XYLT1: variants seen among roughly 807,000 people sequenced by gnomAD.
XYLT1 encodes beta-D-xylosyltransferase 1.
In XYLT1, 36 loss-of-function variants were observed where a neutral mutation model predicts 91.3. The ratio of observed to expected loss-of-function variants is 0.39; its 90% CI spans 0.30 to 0.52. The LOEUF (loss-of-function observed/expected upper bound fraction) is 0.52. Ranked by LOEUF, XYLT1 falls within the 20% of genes least tolerant of loss-of-function variation. The probability of loss-of-function intolerance (pLI) is 0.68; values close to 1 mark genes in which losing one functional copy is unlikely to be tolerated. For missense variants in XYLT1, 1,242 were observed against 1,284.5 expected, an observed-to-expected ratio of 0.97 and a Z score of 0.51; for synonymous variants, 588 against 532.0, an observed-to-expected ratio of 1.11 and a Z score of -1.45.
intron 5 of XYLT1, among the ~76,000 whole-genome samples, chr16:17,175,525 G>T (rs1004770651): frequency 2.0e-5 from 3 of 152,114 alleles, no homozygotes; most frequent in African/African-American, 7.2e-5. Flanking sequence ...TTGCACCCAG[G>T]TCATTTGACC....
intron 8 of XYLT1, among the ~76,000 whole-genome samples, chr16:17,137,326 CACAA>C (rs569713861): frequency 4.6e-5 from 7 of 152,176 alleles, no homozygotes; most frequent in African/African-American, 9.7e-5. Context: ...GGAGATCAAA[CACAA>C]ACAAACAGCA....
intron 2 of XYLT1, among the ~76,000 whole-genome samples, chr16:17,326,311 A>G (rs1388923456): frequency 6.6e-6 from 1 of 151,722 alleles, no homozygotes; most frequent in Non-Finnish European, 1.5e-5. Flanking sequence ...ATGCCTCCCC[A>G]TTTTCCTCTC....
At chr16:17,147,648 T>C (rs2141528289) in intron 6 of XYLT1, among the ~76,000 whole-genome samples, 1 of 152,306 alleles carries the variant, frequency 6.6e-6, no homozygotes, top group South Asian at 2.1e-4. Flanking sequence ...GAAAAGTTTC[T>C]GGAGTCACAG....
chr16:17,293,888 G>C (rs758073652), intron 2 of XYLT1, among the ~76,000 whole-genome samples: 4 of 152,172 alleles, frequency 2.6e-5, no homozygotes, highest in Non-Finnish European at 5.9e-5. Context: ...ACGCATCTTG[G>C]GGAAATGCAT....
intron 3 of XYLT1, among the ~76,000 whole-genome samples, chr16:17,234,526 G>A (rs1248938753): frequency 6.6e-6 from 1 of 150,440 alleles, no homozygotes; most frequent in African/African-American, 2.4e-5. Flanking sequence ...AATCAAATCA[G>A]CTAGTGGGTA....
intron 6 of XYLT1, among the ~76,000 whole-genome samples, chr16:17,150,713 T>G (rs1405449370): frequency 3.3e-5 from 5 of 152,132 alleles, no homozygotes; most frequent in Non-Finnish European, 5.9e-5. Flanking sequence ...AGCCACAAGG[T>G]TCTAATAAGT....
intron 1 of XYLT1, among the ~76,000 whole-genome samples, chr16:17,387,080 A>G (rs1355329631): frequency 6.6e-6 from 1 of 152,176 alleles, no homozygotes; most frequent in Non-Finnish European, 1.5e-5. Flanking sequence ...AGAGGATATC[A>G]AGGTCTAGGG....
chr16:17,443,573 T>A (rs574832206), intron 1 of XYLT1, among the ~76,000 whole-genome samples: 3 of 152,346 alleles, frequency 2.0e-5, no homozygotes, highest in Non-Finnish European at 4.4e-5. Context: ...TGCGGAACTG[T>A]GAGTCAATTA....
In XYLT1 at chr16:17,297,632, A is replaced by G. The variant is rs1444955998; in HGVS notation, c.403-38134T>C. On this transcript the variant is annotated intron_variant, in intron 2 of 11. Transcript: ENST00000261381. ...TCACTACTCAGGAGGCTGAGGTGGG[A>G]GGATCACTTGAGCCTAGGAGGTCGA... Among the ~76,000 whole-genome samples the G allele has an allele frequency of 4.0e-5, 6 of 151,832 alleles. No homozygotes were observed. The South Asian group carries it at 1.3e-3, about 32-fold the overall frequency.
chr16:17,420,146 A>G (rs2036233736), intron 1 of XYLT1, among the ~76,000 whole-genome samples: 1 of 152,196 alleles, frequency 6.6e-6, no homozygotes, highest in Non-Finnish European at 1.5e-5. Flanking sequence ...AAACTAGCAA[A>G]AATAATTTAA....
At chr16:17,261,437 G>T (rs2033720898) in intron 2 of XYLT1, among the ~76,000 whole-genome samples, 1 of 152,094 alleles carries the variant, frequency 6.6e-6, no homozygotes, top group African/African-American at 2.4e-5. Context: ...CTTGCCCAGG[G>T]TCACCCAGCT....
In XYLT1 at chr16:17,198,901, C is replaced by T. The variant is rs144636714; in HGVS notation, c.1087-487G>A. On this transcript the variant is annotated intron_variant, in intron 4 of 11. Transcript: ENST00000261381. ...CTGGGATTACAAGTATGCGCCACCACGCCCAGCTAAGTCTTGTATTTTAGT... is the reference window on the plus strand; with the variant it reads ...CTGGGATTACAAGTATGCGCCACCATGCCCAGCTAAGTCTTGTATTTTAGT... 3.9e-5 allele frequency among the ~76,000 whole-genome samples: 6 copies of T among 152,254 alleles called. 1 individual carries two copies. The highest frequency in any genetic ancestry group is 1.3e-4 in the Admixed American group (2 of 15,292).
chr16:17,147,491 A>C (rs2031164779), intron 6 of XYLT1, among the ~76,000 whole-genome samples: 1 of 152,354 alleles, frequency 6.6e-6, no homozygotes. Flanking sequence ...ATTCAAATAC[A>C]ATATTTATGC....
At chr16:17,223,945 TTTGA>T (rs1208182354) in intron 3 of XYLT1, among the ~76,000 whole-genome samples, 1 of 152,186 alleles carries the variant, frequency 6.6e-6, no homozygotes, top group Non-Finnish European at 1.5e-5. Context: ...CATTGCTACG[TTTGA>T]TTGTTATAGC....
intron 1 of XYLT1, among the ~76,000 whole-genome samples, chr16:17,454,231 G>GCA (rs947108648): frequency 6.6e-6 from 1 of 152,194 alleles, no homozygotes; most frequent in African/African-American, 2.4e-5. Context: ...GTTCACAGCA[G>GCA]CACTATTTAT....
chr16:17,461,944 G>T (rs546808310), intron 1 of XYLT1, among the ~76,000 whole-genome samples: 1 of 152,210 alleles, frequency 6.6e-6, no homozygotes, highest in African/African-American at 2.4e-5. Flanking sequence ...TGTCTTTTTA[G>T]TCCTTCCACA....
At chr16:17,286,974 A>C (rs2040929443) in intron 2 of XYLT1, among the ~76,000 whole-genome samples, 1 of 152,188 alleles carries the variant, frequency 6.6e-6, no homozygotes, top group Admixed American at 6.5e-5. Flanking sequence ...GGCCACGATC[A>C]TTCACTGATC....
chr16:17,360,735 G>A (rs1254888703), intron 1 of XYLT1, among the ~76,000 whole-genome samples: 1 of 152,180 alleles, frequency 6.6e-6, no homozygotes, highest in Non-Finnish European at 1.5e-5. Flanking sequence ...CTAACGAAGT[G>A]GAACCAGGTC....
chr16:17,358,139 T>TG, intron 1 of XYLT1, 89 bp from the exon 2 acceptor site: 2 of 1,393,576 alleles, frequency 1.4e-6, no homozygotes, highest in Non-Finnish European at 2.0e-6. Flanking sequence ...CCTTTTTTTT[T>TG]TTTTTTAAGA....
Sources: gnomAD v4.1 joint callset for allele counts (sites outside exome capture counted in the v4.1 genomes callset) on GRCh38, gnomAD v4.1.1 for gene constraint, MANE v1.5 for transcripts, NCBI Gene and HGNC (gene_info 2026-07-23, HGNC 2026-07-21) for gene names.